Variants in SPATA7 observed in about 807,000 individuals in gnomAD.
SPATA7 encodes the protein spermatogenesis-associated protein 7.
A neutral mutation model predicts 51.8 loss-of-function variants in SPATA7; 43 were observed. The ratio of observed to expected loss-of-function variants is 0.83; its 90% CI spans 0.65 to 1.07. SPATA7 has a LOEUF of 1.07. Among genes scored for constraint, SPATA7 ranks in the 50% least tolerant of loss-of-function variants. SPATA7 has a pLI of 0.00. For missense variants in SPATA7, 683 were observed against 701.3 expected (o/e 0.97, Z 0.30); for synonymous variants, 230 against 252.8 (o/e 0.91, Z 0.86).
chr14:88,444,709 C>T lies in SPATA7; in HGVS notation c.177+6806C>T, dbSNP rs977103846. On this transcript the variant is annotated intron_variant, in intron 3 of 3. Transcript: ENST00000554802. ...GTTTCAGCTTTCTACATATGGCTAGCCAGTTTTCCCAGCACCATTTATTAA... is the reference window on the plus strand; with the variant it reads ...GTTTCAGCTTTCTACATATGGCTAGTCAGTTTTCCCAGCACCATTTATTAA... Among the ~76,000 whole-genome samples the T allele has an allele frequency of 5.9e-5, 9 of 152,268 alleles. No individual in the cohort carries two copies. The East Asian group carries it at 1.5e-3, about 26-fold the overall frequency.
At chr14:88,413,750 T>C (rs575184097) in intron 4 of SPATA7, among the ~76,000 whole-genome samples, 7 of 152,160 alleles carry the variant, frequency 4.6e-5, no homozygotes, top group African/African-American at 1.7e-4. Context: ...GGTTTTTTTT[T>C]TTAATCATGA....
In SPATA7 at chr14:88,385,793, C is replaced by T. The variant is rs1241784484; in HGVS notation, c.-26C>T. 6.2e-7 allele frequency: 1 copy of T among 1,601,606 alleles called. No individual in the cohort carries two copies. The stretch of plus-strand genomic sequence containing the variant: ...GGACCGAAGGGGATACAGCGTGTCC[C>T]TGCGGCGGCTGCAAGAGGACTAAGC... On this transcript the variant is annotated 5_prime_UTR_variant, in exon 1 of 12. Transcript: ENST00000393545.
chr14:88,419,999 A>C (rs1019072184), intron 5 of SPATA7, among the ~76,000 whole-genome samples: 1 of 152,168 alleles, frequency 6.6e-6, no homozygotes. Flanking sequence ...GAAAGATGAT[A>C]GGATGTCACT....
chr14:88,446,161 A>C (rs868578791), intron 3 of SPATA7, among the ~76,000 whole-genome samples: 3,920 of 152,092 alleles, frequency 0.026, 176 homozygotes, highest in African/African-American at 0.089. Context: ...ACAATTTCAG[A>C]TCCTGTTATT....
chr14:88,438,106 T>C lies in SPATA7; in HGVS notation c.1484T>C (p.Ile495Thr), dbSNP rs754786945. ...FPSPTEFFMP[I>T]YKSKHSEGVI... The stretch of plus-strand genomic sequence containing the variant: ...TCACCAACTGAATTTTTCATGCCTA[T>C]TTATAAATCAAAGCATTCAGAAGGG... Residue 495 changes from isoleucine to threonine, a missense_variant, in exon 12 of 12, where the codon ATT becomes ACT. Physicochemically the swap from Ile to Thr is moderately conservative, Grantham distance 89. Transcript: ENST00000393545. 2.5e-6 allele frequency: 4 copies of C among 1,614,076 alleles called. No homozygotes were observed. The highest frequency in any genetic ancestry group is 3.4e-6 in the Non-Finnish European group (4 of 1,180,000).
chr14:88,463,790 C>T (rs2140064870), intron 4 of SPATA7, among the ~76,000 whole-genome samples: 1 of 152,232 alleles, frequency 6.6e-6, no homozygotes, highest in African/African-American at 2.4e-5. Context: ...ACTCTCTCTA[C>T]CCAAGTAGAC....
chr14:88,403,675 G>A (rs2076130111), intron 4 of SPATA7, among the ~76,000 whole-genome samples: 2 of 152,136 alleles, frequency 1.3e-5, no homozygotes, highest in Non-Finnish European at 1.5e-5. Context: ...TATTAAACAT[G>A]TGTATGTGCA....
intron 4 of SPATA7, among the ~76,000 whole-genome samples, chr14:88,403,782 A>C (rs2076133855): frequency 6.6e-6 from 1 of 152,218 alleles, no homozygotes; most frequent in South Asian, 2.1e-4. Flanking sequence ...CAAAGAGTAC[A>C]AAGTTTTAGT....
chr14:88,417,304 G>GT lies in SPATA7; in HGVS notation c.372+473dup, dbSNP rs11330123. Among the ~76,000 whole-genome samples the GT allele has an allele frequency of 6.4e-4, 91 of 141,344 alleles. 1 individual carries two copies. Among genetic ancestry groups the GT allele is most frequent in the East Asian group, 2.0e-3 (10 of 4,934 alleles). The allele number at this position is 141,344 out of a possible 152,430, so 92.7% of individuals were successfully genotyped here. A position where few individuals can be genotyped will look rare whatever the true frequency, so the allele number is the denominator to read the frequency against. ...TAATTTTTCTCTTTTAATCTGTGGGGTTTTTTTTTTTTTATATATATATAT... is the reference window on the plus strand; with the variant it reads ...TAATTTTTCTCTTTTAATCTGTGGGGTTTTTTTTTTTTTTATATATATATAT... On this transcript the variant is annotated intron_variant, in intron 5 of 11. Coordinates refer to ENST00000393545, the MANE Select transcript of SPATA7 (RefSeq NM_018418.5).
chr14:88,425,119 TCTACAAAA>T (rs1186580633), intron 5 of SPATA7, among the ~76,000 whole-genome samples: 1 of 152,180 alleles, frequency 6.6e-6, no homozygotes, highest in African/African-American at 2.4e-5. Flanking sequence ...AGTGTTTTTA[TCTACAAAA>T]TAGGGTAATA....
At chr14:88,461,114 C>A (rs1419956998) in intron 4 of SPATA7, among the ~76,000 whole-genome samples, 1 of 152,214 alleles carries the variant, frequency 6.6e-6, no homozygotes, top group African/African-American at 2.4e-5. Flanking sequence ...TGTCAGTCTG[C>A]CCCTACTGGG....
At chr14:88,462,273 C>G (rs1257989770) in intron 4 of SPATA7, among the ~76,000 whole-genome samples, 1 of 152,132 alleles carries the variant, frequency 6.6e-6, no homozygotes, top group Non-Finnish European at 1.5e-5. Context: ...CGTTTATATT[C>G]CCTGTTCATT....
chr14:88,448,800 G>C (rs1339007785), intron 3 of SPATA7, among the ~76,000 whole-genome samples: 1 of 152,104 alleles, frequency 6.6e-6, no homozygotes, highest in African/African-American at 2.4e-5. Context: ...GCTGCTCGGG[G>C]GTCAGGGGTC....
At chr14:88,439,472 T>C (rs1194089236), downstream of SPATA7, among the ~76,000 whole-genome samples, 1 of 152,240 alleles carries the variant, frequency 6.6e-6, no homozygotes, top group South Asian at 2.1e-4. Context: ...GTGCCCATTA[T>C]GTACAAAGTT....
downstream of SPATA7, among the ~76,000 whole-genome samples, chr14:88,458,111 C>T (rs561622616): frequency 2.4e-4 from 37 of 152,208 alleles, no homozygotes; most frequent in South Asian, 5.8e-3. Context: ...TTTTGATGTG[C>T]TGCTGGATTC....
intron 5 of SPATA7, 59 bp from the exon 6 acceptor site, chr14:88,426,173 A>G: frequency 7.9e-7 from 1 of 1,258,334 alleles, no homozygotes; most frequent in Non-Finnish European, 1.1e-6. Flanking sequence ...ATAATCTCAA[A>G]ATCCCCAATT....
intron 4 of SPATA7, among the ~76,000 whole-genome samples, chr14:88,463,151 A>G (rs528143604): frequency 6.6e-6 from 1 of 152,208 alleles, no homozygotes. Context: ...GGTGCTGAAG[A>G]CCTTCACCTT....
chr14:88,436,377 GTC>G (rs1164821324), intron 10 of SPATA7, among the ~76,000 whole-genome samples: 1 of 152,050 alleles, frequency 6.6e-6, no homozygotes, highest in Non-Finnish European at 1.5e-5. Context: ...TCTGTGGATT[GTC>G]TCTTCACTTT....
chr14:88,444,258 G>A (rs1172215889), intron 3 of SPATA7, among the ~76,000 whole-genome samples: 1 of 152,218 alleles, frequency 6.6e-6, no homozygotes, highest in African/African-American at 2.4e-5. Flanking sequence ...TTTTTCATGT[G>A]TTTTTTGGCT....
Sources: gnomAD v4.1 joint callset for allele counts (sites outside exome capture counted in the v4.1 genomes callset) on GRCh38, gnomAD v4.1.1 for gene constraint, MANE v1.5 for transcripts, NCBI Gene and HGNC (gene_info 2026-07-23, HGNC 2026-07-21) for gene names.